The following HDAC4 variants were observed in gnomAD, a reference collection of about 807,000 sequenced individuals.
HDAC4 encodes the protein histone deacetylase A.
Under a neutral mutation model 135.1 loss-of-function variants are expected in HDAC4, and 16 were observed. The observed-to-expected ratio is 0.12, with a 90% confidence interval of 0.08 to 0.18. The LOEUF is 0.18. HDAC4 is among the 10% of genes least tolerant of loss of function. The pLI is 1.00. For synonymous variants in HDAC4, 685 were observed against 653.4 expected, an observed-to-expected ratio of 1.05 and a Z score of -0.74; for missense variants, 1,143 against 1,511.8, an observed-to-expected ratio of 0.76 and a Z score of 4.05.
In HDAC4 at chr2:239,331,550, G is replaced by A. The variant is rs568725206; in HGVS notation, c.22+21128C>T. Among the ~76,000 whole-genome samples the A allele has an allele frequency of 5.9e-5, 9 of 152,258 alleles. No homozygotes were observed. The highest frequency in any genetic ancestry group is 2.1e-4 in the South Asian group (1 of 4,816). ...CAAGCTGGGACTCGTGAACTAAGCC[G>A]CCCAGATAGTGAGTTCTACGGGGGA... is the stretch of plus-strand genomic sequence containing the variant. On this transcript the variant is annotated intron_variant, in intron 2 of 26. Transcript: ENST00000543185. The surrounding 1 kb of genome is among the most constrained non-coding windows in gnomAD (Gnocchi z 4.5).
intron 16 of HDAC4, among the ~76,000 whole-genome samples, chr2:239,102,178 G>T (rs1469672026): frequency 1.3e-5 from 2 of 152,186 alleles, no homozygotes; most frequent in Non-Finnish European, 2.9e-5. Context: ...CCACGTCTGG[G>T]TTCTGTGGCC....
intron 2 of HDAC4, among the ~76,000 whole-genome samples, chr2:239,263,005 C>T (rs142040772): frequency 1.5e-3 from 226 of 152,114 alleles, no homozygotes; most frequent in African/African-American, 5.2e-3. Flanking sequence ...CCCATTATGC[C>T]GATGAAGACA....
At chr2:239,182,428 T>C (rs1292144226) in intron 4 of HDAC4, among the ~76,000 whole-genome samples, 1 of 152,204 alleles carries the variant, frequency 6.6e-6, no homozygotes, top group Non-Finnish European at 1.5e-5. Flanking sequence ...GTGAGCTCTT[T>C]CCACCATCAT....
intron 1 of HDAC4, among the ~76,000 whole-genome samples, chr2:239,390,766 G>A (rs185381074): frequency 6.9e-4 from 105 of 152,284 alleles, no homozygotes; most frequent in African/African-American, 2.3e-3. Context: ...GGAGCCCCGA[G>A]CCTGGACCTG....
At chr2:239,205,592 G>A (rs2045994822) in intron 3 of HDAC4, among the ~76,000 whole-genome samples, 1 of 152,036 alleles carries the variant, frequency 6.6e-6, no homozygotes, top group African/African-American at 2.4e-5. Context: ...GAAAGGGGGA[G>A]GGAAGAAAAG....
rs540584287 is a variant in HDAC4, at chr2:239,145,285, C to A, written c.734-571G>T. Among the ~76,000 whole-genome samples, 15 of 152,224 alleles carry A rather than the reference C, an allele frequency of 9.9e-5. No individual in the cohort carries two copies. The East Asian group carries it at 1.9e-3, about 20-fold the overall frequency. On this transcript the variant is annotated intron_variant, in intron 7 of 26. Coordinates refer to ENST00000543185, the MANE Select transcript of HDAC4 (RefSeq NM_001378414.1). ...GGCCTCCAGAGCGTGAGGCTGCTAT[C>A]CCCACCCCGACCTGGGGAGGCTCAG...
At chr2:239,209,747 C>A (rs1309866333) in intron 3 of HDAC4, among the ~76,000 whole-genome samples, 2 of 152,162 alleles carry the variant, frequency 1.3e-5, no homozygotes, top group African/African-American at 4.8e-5. Context: ...TTTAACACAG[C>A]AACTGACAAA....
Position 239,053,075 on chromosome 2 carries a change from GAAC to G in HDAC4, c.*19_*21del. ...TCAAGACAGAGACAGACAGACAAGA[GAAC>G]AGCAGCTTCGAGGGAGTGCTACAGG... On this transcript the variant is annotated 3_prime_UTR_variant, in exon 27 of 27. Transcript: ENST00000543185. 1.9e-6 allele frequency: 3 copies of G among 1,613,902 alleles called. No homozygotes were observed. Among genetic ancestry groups the G allele is most frequent in the Non-Finnish European group, 2.5e-6 (3 of 1,179,730 alleles).
intron 2 of HDAC4, among the ~76,000 whole-genome samples, chr2:239,290,772 C>A (rs2051439651): frequency 6.6e-6 from 1 of 152,316 alleles, no homozygotes; most frequent in East Asian, 1.9e-4. Flanking sequence ...CACACACGCT[C>A]CCGTGTTTAG....
At chr2:239,157,932 C>T (rs909752256) in intron 6 of HDAC4, among the ~76,000 whole-genome samples, 1 of 152,166 alleles carries the variant, frequency 6.6e-6, no homozygotes, top group Non-Finnish European at 1.5e-5. Flanking sequence ...CAGGGAGCTC[C>T]GGAAAACTGC....
chr2:239,195,439 G>A (rs2153057935), intron 3 of HDAC4, among the ~76,000 whole-genome samples: 1 of 152,346 alleles, frequency 6.6e-6, no homozygotes, highest in East Asian at 1.9e-4. Context: ...AGGATCCTGG[G>A]AGCCGGGTGG....
At chr2:239,249,021 C>T (rs1305644902) in intron 2 of HDAC4, among the ~76,000 whole-genome samples, 1 of 152,244 alleles carries the variant, frequency 6.6e-6, no homozygotes, top group Non-Finnish European at 1.5e-5. Flanking sequence ...GGATCACGTG[C>T]TGGAATAACA....
intron 16 of HDAC4, among the ~76,000 whole-genome samples, chr2:239,101,108 C>T (rs1270867060): frequency 3.3e-5 from 5 of 152,152 alleles, no homozygotes; most frequent in East Asian, 1.9e-4. Flanking sequence ...GGATCCACCT[C>T]GTGAACCTGC....
chr2:239,344,767 A>C (rs1692507722), intron 2 of HDAC4, among the ~76,000 whole-genome samples: 2 of 152,208 alleles, frequency 1.3e-5, no homozygotes, highest in Non-Finnish European at 2.9e-5. Context: ...AGAAAGCGGA[A>C]GCAAGCAGTA....
chr2:239,371,207 C>G (rs373402625), intron 1 of HDAC4, among the ~76,000 whole-genome samples: 1 of 152,196 alleles, frequency 6.6e-6, no homozygotes, highest in African/African-American at 2.4e-5. Flanking sequence ...AGGCCAGGCT[C>G]CAACAAGGAG....
intron 5 of HDAC4, among the ~76,000 whole-genome samples, chr2:239,169,556 G>A (rs1290524363): frequency 6.6e-6 from 1 of 152,232 alleles, no homozygotes; most frequent in Non-Finnish European, 1.5e-5. Context: ...GAAGCCAGAG[G>A]GCTCAGCTGC....
At chr2:239,172,876 C>CA (rs1486609874) in intron 5 of HDAC4, among the ~76,000 whole-genome samples, 1 of 151,850 alleles carries the variant, frequency 6.6e-6, no homozygotes, top group South Asian at 2.1e-4. Flanking sequence ...GACATGACAC[C>CA]AAAAACCACT....
chr2:239,254,462 G>A (rs1445451422), intron 2 of HDAC4, among the ~76,000 whole-genome samples: 1 of 151,570 alleles, frequency 6.6e-6, no homozygotes, highest in South Asian at 2.1e-4. Flanking sequence ...TATCATGAAG[G>A]AAAAAAACCT....
At chr2:239,346,064 C>T (rs1692631829) in intron 2 of HDAC4, among the ~76,000 whole-genome samples, 1 of 144,018 alleles carries the variant, frequency 6.9e-6, no homozygotes, top group Admixed American at 6.9e-5. Context: ...ACACCCCCAT[C>T]TCACACATGC....
Sources: allele counts gnomAD v4.1 joint callset (sites outside exome capture counted in the v4.1 genomes callset), GRCh38; gene constraint gnomAD v4.1.1; non-coding constraint Gnocchi (gnomAD v3.1); transcripts MANE v1.5; gene names NCBI Gene and HGNC (gene_info 2026-07-23, HGNC 2026-07-21).